Variants in WDR20 observed in about 807,000 individuals in gnomAD.
The protein encoded by WDR20 is WD repeat domain 20.
In WDR20, 3 loss-of-function variants were observed where a neutral mutation model predicts 38.7. That is an observed-to-expected ratio of 0.08 (90% CI 0.04 to 0.20). WDR20 has a LOEUF of 0.20. Among genes scored for constraint, WDR20 ranks in the 10% least tolerant of loss-of-function variants. The pLI is 1.00. For missense variants in WDR20, 559 were observed against 727.7 expected (o/e 0.77, Z 2.67); for synonymous variants, 298 against 285.6 (o/e 1.04, Z -0.44).
In WDR20 at chr14:102,202,206, C is replaced by T. The variant is rs117032260; in HGVS notation, c.433-6397C>T. Among the ~76,000 whole-genome samples, 323 of 151,968 alleles carry T rather than the reference C, an allele frequency of 2.1e-3. 1 individual carries two copies. The highest frequency in any genetic ancestry group is 3.4e-3 in the Non-Finnish European group (234 of 67,930). On this transcript the variant is annotated intron_variant, in intron 2 of 2. Coordinates refer to ENST00000342702, the MANE Select transcript of WDR20 (RefSeq NM_144574.4). The stretch of plus-strand genomic sequence containing the variant: ...ACCACCCCCTCCCTGTGCACTCCAT[C>T]CCTCTAGGGCTCAGCTTCCTCAAGT...
intron 1 of WDR20, among the ~76,000 whole-genome samples, chr14:102,168,335 A>T (rs1164365716): frequency 6.6e-6 from 1 of 152,162 alleles, no homozygotes; most frequent in Non-Finnish European, 1.5e-5. Flanking sequence ...AGAGTAGTTT[A>T]TTGTAGAAAA....
chr14:102,209,414 G>A lies in WDR20; in HGVS notation c.1244G>A (p.Gly415Glu). Residue 415 changes from glycine to glutamate, a missense_variant, in exon 3 of 3, where the codon GGG becomes GAG. Transcript: ENST00000342702. The surrounding 1 kb of genome is among the most constrained non-coding windows in gnomAD (Gnocchi z 6.0). Reference sequence around the variant, plus strand: ...ACGAGTCCTCCTGCTGGAAGCAATGGGAACAGTGTTACAACACCCGGGAAC... The same window carrying A: ...ACGAGTCCTCCTGCTGGAAGCAATGAGAACAGTGTTACAACACCCGGGAAC... The part of the protein sequence containing the change: ...NATSPPAGSN[G>E]NSVTTPGNSV... The A allele has an allele frequency of 6.2e-7, 1 of 1,614,126 alleles. No individual in the cohort carries two copies. The highest frequency in any genetic ancestry group is 8.5e-7 in the Non-Finnish European group (1 of 1,180,030).
intron 1 of WDR20, among the ~76,000 whole-genome samples, chr14:102,186,838 T>C (rs1251850708): frequency 1.3e-5 from 2 of 151,846 alleles, no homozygotes; most frequent in African/African-American, 2.4e-5. Flanking sequence ...TAGTCCCAGC[T>C]ACTCGGGAGG....
chr14:102,208,680 G>T lies in WDR20; in HGVS notation c.510G>T (p.Ser170=). The T allele has an allele frequency of 2.5e-6, 4 of 1,614,100 alleles. No individual in the cohort carries two copies. The highest frequency in any genetic ancestry group is 2.2e-5 in the South Asian group (2 of 91,078). The change falls in exon 3 of 3, where the codon TCG becomes TCT. Residue 170 remains serine, a synonymous_variant. Coordinates refer to ENST00000342702, the MANE Select transcript of WDR20 (RefSeq NM_144574.4). The surrounding 1 kb of genome is among the most constrained non-coding windows in gnomAD (Gnocchi z 5.6). The part of the protein sequence containing the change: ...GSESLFLVAH[S]SGNMYLYNVE... The stretch of plus-strand genomic sequence containing the variant: ...AAAGCCTTTTCCTAGTAGCCCACTC[G>T]AGTGGGAACATGTACTTATATAATG...
chr14:102,217,481 A>G (rs1025129381), downstream of WDR20, among the ~76,000 whole-genome samples: 3 of 152,112 alleles, frequency 2.0e-5, no homozygotes, highest in East Asian at 3.9e-4. Context: ...GTGGCCCCTC[A>G]CTGTCACCTG....
At chr14:102,219,691 A>G (rs2063661867), downstream of WDR20, among the ~76,000 whole-genome samples, 1 of 152,164 alleles carries the variant, frequency 6.6e-6, no homozygotes, top group Admixed American at 6.5e-5. Flanking sequence ...GTGCTTCCTG[A>G]GTGCTGCAGC....
At chr14:102,144,887 C>T (rs887869397) in intron 1 of WDR20, among the ~76,000 whole-genome samples, 1 of 151,930 alleles carries the variant, frequency 6.6e-6, no homozygotes, top group Non-Finnish European at 1.5e-5. Context: ...TTAATAGAGA[C>T]GGGGTTTTGC....
rs1281373227 is a variant in WDR20 at position 102,172,826 on chromosome 14, C to T, written c.250-22112C>T. 1.1e-4 allele frequency among the ~76,000 whole-genome samples: 16 copies of T among 147,554 alleles called. 1 individual carries two copies. The South Asian group carries it at 1.7e-3, about 16-fold the overall frequency. ...CTCACTTCTCAGACGGGGCGGCTGC[C>T]GGGCGGAGGGTCTCCTCACTTCTCA... On this transcript the variant is annotated intron_variant, in intron 1 of 2. Transcript: ENST00000342702.
At chr14:102,196,604 G>GATGGTACAGA (rs2059445999) in intron 2 of WDR20, among the ~76,000 whole-genome samples, 1 of 152,156 alleles carries the variant, frequency 6.6e-6, no homozygotes, top group African/African-American at 2.4e-5. Context: ...CCTGGCCGAG[G>GATGGTACAGA]ATGGTACAGA....
intron 2 of WDR20, among the ~76,000 whole-genome samples, chr14:102,201,070 A>G (rs1242031539): frequency 1.3e-5 from 2 of 152,256 alleles, no homozygotes; most frequent in African/African-American, 4.8e-5. Context: ...GAAGGAAATG[A>G]GCCCGTAATG....
intron 1 of WDR20, among the ~76,000 whole-genome samples, chr14:102,189,214 A>G (rs1483996102): frequency 1.3e-5 from 2 of 152,184 alleles, no homozygotes; most frequent in Non-Finnish European, 2.9e-5. Context: ...TGTCTCAATA[A>G]TAATAATAGT....
intron 1 of WDR20, among the ~76,000 whole-genome samples, chr14:102,142,592 T>C (rs1013671912): frequency 1.3e-5 from 2 of 151,952 alleles, no homozygotes; most frequent in Non-Finnish European, 2.9e-5. Context: ...TGGCTGGAAC[T>C]ACAGGTGTGC....
At position 102,221,576 on chromosome 14, in the gene WDR20, C is replaced by G. The variant is rs908374802; in HGVS notation, c.1693-1254C>G. Among the ~76,000 whole-genome samples, 8 of 152,176 alleles carry G rather than the reference C, an allele frequency of 5.3e-5. No individual in the cohort carries two copies. The highest frequency in any genetic ancestry group is 1.4e-4 in the African/African-American group (6 of 41,438). On this transcript the variant is annotated intron_variant, in intron 3 of 3. Coordinates refer to the WDR20 transcript ENST00000335263. This position sits in a 1 kb window ranked among gnomAD's most constrained non-coding sequence, Gnocchi z 4.8. ...TTTCAGGGGTCCCAGAGGAAAAGCA[C>G]TCCTATAGACTCTGAGCAGGGGCAG...
chr14:102,200,466 TTTG>T (rs1474963649), intron 2 of WDR20, among the ~76,000 whole-genome samples: 1,569 of 106,006 alleles, frequency 0.015, 13 homozygotes, highest in South Asian at 0.049. Flanking sequence ...AATTTTTTTT[TTTG>T]TGTGTGTGTG....
chr14:102,212,522 G>A (rs921703268), downstream of WDR20: 88 of 1,535,782 alleles, frequency 5.7e-5, no homozygotes, highest in African/African-American at 8.2e-5. Flanking sequence ...TTTGACAGCC[G>A]GCAGAGCACT....
intron 1 of WDR20, among the ~76,000 whole-genome samples, chr14:102,187,067 T>C (rs1464799704): frequency 6.6e-6 from 1 of 152,156 alleles, no homozygotes; most frequent in African/African-American, 2.4e-5. Context: ...TTCTAGTAGG[T>C]GATCCTTTGT....
At chr14:102,172,920 C>T (rs1247394408) in intron 1 of WDR20, among the ~76,000 whole-genome samples, 1 of 149,806 alleles carries the variant, frequency 6.7e-6, no homozygotes, top group African/African-American at 2.4e-5. Context: ...CGACGCTCCT[C>T]ACCTCCCAGA....
chr14:102,210,485 T>A lies in WDR20; in HGVS notation c.*605T>A, dbSNP rs2062334374. 1.0e-6 allele frequency: 1 copy of A among 985,222 alleles called. No individual in the cohort carries two copies. Among genetic ancestry groups the A allele is most frequent in the South Asian group, 4.7e-5 (1 of 21,280 alleles). The allele number at this position is 985,222 out of a possible 1,614,324, so 61.0% of individuals were successfully genotyped here. On this transcript the variant is annotated 3_prime_UTR_variant, in exon 3 of 3. Coordinates refer to ENST00000342702, the MANE Select transcript of WDR20 (RefSeq NM_144574.4). ...TTTTTAAAACCCATTTTAGTCATTT[T>A]ATGACAATTAAAGTTGTTTAATAAA...
intron 1 of WDR20, among the ~76,000 whole-genome samples, chr14:102,176,494 C>T (rs1403001571): frequency 6.6e-6 from 1 of 152,104 alleles, no homozygotes; most frequent in East Asian, 1.9e-4. Flanking sequence ...GTCAAGAAAT[C>T]GAGACTATCC....
Sources: allele counts gnomAD v4.1 joint callset (sites outside exome capture counted in the v4.1 genomes callset), GRCh38; gene constraint gnomAD v4.1.1; non-coding constraint Gnocchi (gnomAD v3.1); transcripts MANE v1.5; gene names NCBI Gene and HGNC (gene_info 2026-07-23, HGNC 2026-07-21).